The following FANCC variants were observed in gnomAD, a reference collection of about 807,000 sequenced individuals.
The protein encoded by FANCC is FA complementation group C.
In FANCC, 55 loss-of-function variants were observed where a neutral mutation model predicts 71.3. The observed-to-expected ratio is 0.77, with a 90% CI of 0.62 to 0.97. FANCC has a LOEUF of 0.97. Among genes scored for constraint, FANCC ranks in the 50% least tolerant of loss-of-function variants. The pLI is 0.00. For missense variants in FANCC, 678 were observed against 670.9 expected (o/e 1.01, Z -0.12); for synonymous variants, 275 against 244.9 (o/e 1.12, Z -1.15).
At chr9:95,301,650 C>T (rs1381698622) in intron 1 of FANCC, among the ~76,000 whole-genome samples, 1 of 152,070 alleles carries the variant, frequency 6.6e-6, no homozygotes, top group African/African-American at 2.4e-5. Context: ...TCTCAAACTC[C>T]TGGACTCAAG....
At chr9:95,122,733 A>C (rs771269071) in intron 10 of FANCC, among the ~76,000 whole-genome samples, 1 of 152,238 alleles carries the variant, frequency 6.6e-6, no homozygotes, top group African/African-American at 2.4e-5. Context: ...TAAAGAGCAC[A>C]GTGGCACTCC....
intron 7 of FANCC, among the ~76,000 whole-genome samples, chr9:95,145,032 C>A (rs189979995): frequency 6.6e-6 from 1 of 152,210 alleles, no homozygotes; most frequent in Admixed American, 6.5e-5. Flanking sequence ...GACCATTTTT[C>A]GAATCAAGTG....
At chr9:95,126,507 G>A (rs1825999613) in intron 9 of FANCC, 22 bp downstream of exon 9, 2 of 1,610,286 alleles carry the variant, frequency 1.2e-6, no homozygotes, top group Non-Finnish European at 8.5e-7. Context: ...TCAATTACTA[G>A]AAGAAACAGT....
At chr9:95,120,050 T>A (rs750256968) in intron 10 of FANCC, among the ~76,000 whole-genome samples, 3 of 152,156 alleles carry the variant, frequency 2.0e-5, no homozygotes, top group Non-Finnish European at 4.4e-5. Context: ...ATTTATCCAT[T>A]TTTTCCTATG....
At chr9:95,235,221 G>A (rs987429752) in intron 4 of FANCC, among the ~76,000 whole-genome samples, 11 of 52,776 alleles carry the variant, frequency 2.1e-4, no homozygotes, top group Non-Finnish European at 3.4e-4. Context: ...GCACCCAAAG[G>A]CACCTGATGC....
At chr9:95,202,295 C>T (rs1303912477) in intron 4 of FANCC, among the ~76,000 whole-genome samples, 6 of 151,756 alleles carry the variant, frequency 4.0e-5, no homozygotes, top group Non-Finnish European at 4.4e-5. Flanking sequence ...CTGGGCTTAA[C>T]GGGGCAGGGC....
rs1220704144 is a variant in FANCC, at chr9:95,155,406, T to C, written c.522-5319A>G. On this transcript the variant is annotated intron_variant, in intron 6 of 14. Coordinates refer to ENST00000289081, the MANE Select transcript of FANCC (RefSeq NM_000136.3). ...AAAATATTCGTAATAAAGGAGTTAC[T>C]TCCTGCCTCAGGTTCTTATTTCCAA... Among the ~76,000 whole-genome samples the C allele has an allele frequency of 3.3e-5, 5 of 151,580 alleles. No individual in the cohort carries two copies. The East Asian group carries it at 9.8e-4, about 30-fold the overall frequency.
chr9:95,100,529 AAT>A lies in FANCC; in HGVS notation c.*1176_*1177del, dbSNP rs1368873253. 4.3e-6 allele frequency: 1 copy of A among 232,076 alleles called. No individual in the cohort carries two copies. Among genetic ancestry groups the A allele is most frequent in the East Asian group, 6.1e-5 (1 of 16,448 alleles). The allele number at this position is 232,076 out of a possible 1,614,324, so 14.4% of individuals were successfully genotyped here. ...AAGTCTTGACTCACTTGACAAACAG[AAT>A]AGACACAAAAGAATGTACAACCAAT... is the stretch of plus-strand genomic sequence containing the variant. On this transcript the variant is annotated 3_prime_UTR_variant, in exon 15 of 15. Transcript: ENST00000289081.
chr9:95,115,129 A>C (rs2072285780), intron 11 of FANCC, among the ~76,000 whole-genome samples: 1 of 152,092 alleles, frequency 6.6e-6, no homozygotes, highest in African/African-American at 2.4e-5. Context: ...TTTTGTAGAG[A>C]TGAGGTTTCA....
intron 7 of FANCC, among the ~76,000 whole-genome samples, chr9:95,139,796 C>T (rs1828311839): frequency 6.8e-6 from 1 of 146,956 alleles, no homozygotes; most frequent in South Asian, 2.1e-4. Context: ...ATGCCTTGTG[C>T]TGTATTGTTT....
At chr9:95,195,520 A>G (rs556343811) in intron 4 of FANCC, among the ~76,000 whole-genome samples, 1 of 152,352 alleles carries the variant, frequency 6.6e-6, no homozygotes, top group South Asian at 2.1e-4. Context: ...TATTGCAGCT[A>G]TCACAGTAAA....
At chr9:95,182,992 G>A (rs749463167) in intron 4 of FANCC, among the ~76,000 whole-genome samples, 1 of 152,028 alleles carries the variant, frequency 6.6e-6, no homozygotes, top group Admixed American at 6.6e-5. Context: ...CATGGCCTCA[G>A]CCCGCCTGCG....
chr9:95,235,553 G>A (rs150098178), intron 4 of FANCC, among the ~76,000 whole-genome samples: 2 of 152,058 alleles, frequency 1.3e-5, no homozygotes, highest in African/African-American at 4.8e-5. Flanking sequence ...TCTTAAATAA[G>A]GCACAAAGTG....
intron 1 of FANCC, among the ~76,000 whole-genome samples, chr9:95,276,413 T>C (rs1833044329): frequency 6.6e-6 from 1 of 152,236 alleles, no homozygotes; most frequent in South Asian, 2.1e-4. Flanking sequence ...CCTTTTCTGG[T>C]CACAGGGAGC....
intron 1 of FANCC, among the ~76,000 whole-genome samples, chr9:95,279,813 T>C (rs1196942775): frequency 1.3e-5 from 2 of 151,980 alleles, no homozygotes; most frequent in Non-Finnish European, 2.9e-5. Context: ...CTGGCTGTGG[T>C]GGCAGGTGCC....
chr9:95,117,389 A>G lies in FANCC; in HGVS notation c.998T>C (p.Leu333Pro), dbSNP rs864622191. The G allele has an allele frequency of 5.0e-6, 8 of 1,613,242 alleles. No homozygotes were observed. Among genetic ancestry groups the G allele is most frequent in the Non-Finnish European group, 6.8e-6 (8 of 1,179,736 alleles). ...AAAGTAGGTCTTGAGTGCAAACCGC[A>G]GCTGCCACAGGATGGAAAATCCAAA... ...VEALEKASKQ[L>P]RFALKTYFPY... The change falls in exon 11 of 15, where the codon CTG (leucine) becomes CCG (proline). Residue 333 changes from leucine (L) to proline (P), a missense_variant and splice_region_variant. Physicochemically the swap from Leu to Pro is moderately conservative, Grantham distance 98 (BLOSUM62 -3). Transcript: ENST00000289081.
At chr9:95,124,741 A>G (rs1825707550) in intron 10 of FANCC, among the ~76,000 whole-genome samples, 1 of 152,148 alleles carries the variant, frequency 6.6e-6, no homozygotes, top group Non-Finnish European at 1.5e-5. Context: ...CCTCCTGCTG[A>G]CCTGGGAGGC....
intron 4 of FANCC, among the ~76,000 whole-genome samples, chr9:95,222,651 A>G (rs1184499837): frequency 6.6e-6 from 1 of 152,224 alleles, no homozygotes; most frequent in East Asian, 1.9e-4. Context: ...GTTCCTCAAT[A>G]AAGTTGATTT....
intron 5 of FANCC, 32 bp downstream of exon 5, chr9:95,172,005 C>T (rs907594697): frequency 1.5e-6 from 2 of 1,313,754 alleles, no homozygotes; most frequent in African/African-American, 1.5e-5. Flanking sequence ...CAGCATTAAA[C>T]ATTTCAAAAG....
Sources: allele counts gnomAD v4.1 joint callset (sites outside exome capture counted in the v4.1 genomes callset), GRCh38; gene constraint gnomAD v4.1.1; transcripts MANE v1.5; gene names NCBI Gene and HGNC (gene_info 2026-07-23, HGNC 2026-07-21).